DNAH17: variants seen among roughly 807,000 people sequenced by gnomAD.
DNAH17 encodes dynein axonemal heavy chain 17, also known as axonemal beta dynein heavy chain 17.
A neutral mutation model predicts 485.6 loss-of-function variants in DNAH17; 376 were observed. The ratio of observed to expected loss-of-function variants is 0.77; its 90% confidence interval spans 0.71 to 0.84. The LOEUF is 0.84. DNAH17 is among the 40% of genes least tolerant of loss of function. The probability of loss-of-function intolerance (pLI) is 0.00; values close to 1 mark genes in which losing one functional copy is unlikely to be tolerated. For missense variants in DNAH17, 6,370 were observed against 5,839.3 expected (o/e 1.09, Z -2.96); for synonymous variants, 3,031 against 2,405.9 (o/e 1.26, Z -7.60).
chr17:78,531,632 C>T (rs2091241743), intron 20 of DNAH17, among the ~76,000 whole-genome samples: 2 of 152,190 alleles, frequency 1.3e-5, no homozygotes, highest in Admixed American at 1.3e-4. Flanking sequence ...GCCACCACGC[C>T]CGGCCGACAT....
intron 54 of DNAH17, among the ~76,000 whole-genome samples, chr17:78,474,374 G>A (rs2088911421): frequency 6.6e-6 from 1 of 152,264 alleles, no homozygotes. Flanking sequence ...GCACGCAGTT[G>A]CCTGGGAGAG....
chr17:78,575,309 A>G (rs558216437), intron 1 of DNAH17, among the ~76,000 whole-genome samples: 177 of 152,320 alleles, frequency 1.2e-3, no homozygotes, highest in Non-Finnish European at 1.9e-3. Context: ...GAGGCTGCCC[A>G]AAAGTGGTGT....
chr17:78,444,620 T>G lies in DNAH17; in HGVS notation c.11512A>C (p.Met3838Leu). The G allele has an allele frequency of 6.4e-7, 1 of 1,573,776 alleles. No homozygotes were observed. The change falls in exon 71 of 81, where the codon ATG becomes CTG. Residue 3838 changes from methionine to leucine, a missense_variant. Physicochemically the swap from Met to Leu is conservative, Grantham distance 15. Transcript: ENST00000389840. ...CMVRCLRPDR[M>L]TYAIKNFVEE... Reference sequence around the variant, plus strand: ...GACACTCACTTGATAGCGTAGGTCATGCGATCTGGCCGCAGGCAGCGCACC... The same window carrying G: ...GACACTCACTTGATAGCGTAGGTCAGGCGATCTGGCCGCAGGCAGCGCACC...
intron 3 of DNAH17, among the ~76,000 whole-genome samples, 155 bp from the exon 4 acceptor site, chr17:78,571,937 G>A (rs779454768): frequency 2.0e-5 from 3 of 152,182 alleles, no homozygotes; most frequent in African/African-American, 4.8e-5. Flanking sequence ...CCTCGGGGAC[G>A]CTAAAGAAGT....
intron 58 of DNAH17, 147 bp downstream of exon 58, chr17:78,461,397 G>A (rs572838263): frequency 1.2e-5 from 10 of 826,982 alleles, no homozygotes; most frequent in Admixed American, 8.1e-5. Flanking sequence ...CTCCTTCGGG[G>A]GTCCCACTGG....
In DNAH17 at chr17:78,450,300, A is replaced by G. The variant is rs1568067024; in HGVS notation, c.10994T>C (p.Leu3665Pro). The G allele has an allele frequency of 6.2e-7, 1 of 1,614,010 alleles. No individual in the cohort carries two copies. Among genetic ancestry groups the G allele is most frequent in the Non-Finnish European group, 8.5e-7 (1 of 1,179,890 alleles). ...AERASLLYFI[L>P]NDLNKINPVY... Reference sequence around the variant, plus strand: ...GGGGTTGATTTTGTTGAGATCGTTCAGTATGAAGTAGAGCAGAGATGCCCT... The same window carrying G: ...GGGGTTGATTTTGTTGAGATCGTTCGGTATGAAGTAGAGCAGAGATGCCCT... Residue 3665 changes from leucine to proline, a missense_variant, in exon 68 of 81, where the codon CTG becomes CCG. By Grantham distance (98) the Leu-to-Pro change is moderately conservative (BLOSUM62 -3). Transcript: ENST00000389840.
Position 78,444,764 on chromosome 17 carries a change from C to T in DNAH17, c.11368G>A (p.Asp3790Asn). The T allele has an allele frequency of 1.3e-6, 2 of 1,591,524 alleles. No individual in the cohort carries two copies. The highest frequency in any genetic ancestry group is 1.7e-6 in the Non-Finnish European group (2 of 1,171,174). ...TTGGCAGATCCTTCGATGTCACTGT[C>T]CAGATTTTTGAACTCATCCATCTCC... ...LSEMDEFKNL[D>N]SDIEGSAKRW... The change falls in exon 71 of 81, where the codon GAC (aspartate) becomes AAC (asparagine). Residue 3790 changes from aspartate (D) to asparagine (N), a missense_variant. Asp to Asn is a conservative substitution (Grantham distance 23). Transcript: ENST00000389840.
chr17:78,460,237 C>A lies in DNAH17; in HGVS notation c.9360G>T (p.Lys3120Asn). ...CTTTGGCCAGGTCTGTTTCACAGGC[C>A]TTTTGCTTCTCAGTGACGTTCTGGA... ...VINKNVTEKQKACETDLAKAE... is the reference protein window; with the variant it reads ...VINKNVTEKQNACETDLAKAE... Residue 3120 changes from lysine (K) to asparagine (N), a missense_variant, in exon 59 of 81, where the codon AAG becomes AAT. Transcript: ENST00000389840. 1.2e-6 allele frequency: 2 copies of A among 1,603,032 alleles called. No homozygotes were observed. Among genetic ancestry groups the A allele is most frequent in the Non-Finnish European group, 1.7e-6 (2 of 1,174,060 alleles).
chr17:78,462,031 G>T (rs1243025791), intron 57 of DNAH17, among the ~76,000 whole-genome samples: 1 of 152,000 alleles, frequency 6.6e-6, no homozygotes, highest in Non-Finnish European at 1.5e-5. Flanking sequence ...AATTAGCAAG[G>T]CATGGTGGCC....
At chr17:78,502,424 C>T (rs904305938) in intron 33 of DNAH17, 167 bp downstream of exon 33, 21 of 591,086 alleles carry the variant, frequency 3.6e-5, no homozygotes, top group Admixed American at 3.4e-4. Context: ...GGCTGTGGTG[C>T]GTGGCTGTTA....
chr17:78,469,023 G>A lies in DNAH17; in HGVS notation c.8512-140C>T, dbSNP rs185418564. The A allele has an allele frequency of 5.5e-6, 6 of 1,083,410 alleles. No homozygotes were observed. The East Asian group carries it at 1.3e-4, about 24-fold the overall frequency. The allele number at this position is 1,083,410 out of a possible 1,614,324, so 67.1% of individuals were successfully genotyped here. A position where few individuals can be genotyped will look rare whatever the true frequency, so the allele number is the denominator to read the frequency against. On this transcript the variant is annotated intron_variant, in intron 54 of 80. Transcript: ENST00000389840. ...CTGTCGCCCAGGCTGGAGTGCAATG[G>A]CACAATCTCGGCTCACTGCAACCTC...
Position 78,565,074 on chromosome 17 carries a change from C to A in DNAH17, c.1569+1540G>T, listed in dbSNP as rs570301743. Reference sequence around the variant, plus strand: ...TCTTGAAGTTGGTTTAGCTAGAATCCCCCAACCCCTGATGTCCCCTCTAAG... The same window carrying A: ...TCTTGAAGTTGGTTTAGCTAGAATCACCCAACCCCTGATGTCCCCTCTAAG... On this transcript the variant is annotated intron_variant, in intron 11 of 80. Coordinates refer to ENST00000389840, the MANE Select transcript of DNAH17 (RefSeq NM_173628.4). Among the ~76,000 whole-genome samples the A allele has an allele frequency of 1.4e-4, 21 of 152,286 alleles. No individual in the cohort carries two copies. In the South Asian group the frequency reaches 4.4e-3, roughly 32 times the overall value.
At chr17:78,518,567 C>T (rs1025874397) in intron 25 of DNAH17, among the ~76,000 whole-genome samples, 1 of 152,070 alleles carries the variant, frequency 6.6e-6, no homozygotes, top group African/African-American at 2.4e-5. Flanking sequence ...TTTCAGCACC[C>T]CACTCTCAGC....
In DNAH17 at chr17:78,572,643, G is replaced by A. The variant is rs1345659044; in HGVS notation, c.539+58C>T. The stretch of plus-strand genomic sequence containing the variant: ...GGGTGGAGTGGGGTGGGGGGTGGGG[G>A]TCAAGCATGTGCCTCTTCCCCACCC... On this transcript the variant is annotated intron_variant, in intron 3 of 80. Transcript: ENST00000389840. 3.4e-6 allele frequency: 5 copies of A among 1,452,644 alleles called. No homozygotes were observed. The African/African-American group carries it at 4.2e-5, about 12-fold the overall frequency. 90.0% of individuals were successfully genotyped at this position (1,452,644 alleles called of 1,614,324 possible).
At position 78,545,494 on chromosome 17, in the gene DNAH17, T is replaced by C. The variant is rs533340012; in HGVS notation, c.2392-1497A>G. On this transcript the variant is annotated intron_variant, in intron 16 of 80. Coordinates refer to ENST00000389840, the MANE Select transcript of DNAH17 (RefSeq NM_173628.4). ...GGGCAGATGATGATGGCCGCCTTCT[T>C]GTTGTGACCTCACATGGCGGAGGGG... Among the ~76,000 whole-genome samples the C allele has an allele frequency of 2.0e-3, 298 of 152,280 alleles. 2 individuals are homozygous for C. Among genetic ancestry groups the C allele is most frequent in the Middle Eastern group, 6.8e-3 (2 of 294 alleles).
chr17:78,513,387 C>T lies in DNAH17; in HGVS notation c.4113+1387G>A, dbSNP rs1308394450. 2.0e-5 allele frequency among the ~76,000 whole-genome samples: 3 copies of T among 152,214 alleles called. No individual in the cohort carries two copies. The South Asian group carries it at 6.2e-4, about 31-fold the overall frequency. On this transcript the variant is annotated intron_variant, in intron 26 of 80. Coordinates refer to ENST00000389840, the MANE Select transcript of DNAH17 (RefSeq NM_173628.4). ...TTGAAATAGTCCTGCAAAGCTGTCT[C>T]TTGTAGGGGAAATCTGCATTCTGTA...
At chr17:78,428,778 C>T (rs923767631) in intron 76 of DNAH17, 71 bp from the exon 77 acceptor site, 2 of 1,556,636 alleles carry the variant, frequency 1.3e-6, no homozygotes, top group African/African-American at 2.7e-5. Context: ...GTTGGTTAAG[C>T]ATTCCTTGCC....
At position 78,558,164 on chromosome 17, in the gene DNAH17, C is replaced by G. The variant is rs376958134; in HGVS notation, c.2122G>C (p.Glu708Gln). The change falls in exon 14 of 81, where the codon GAA becomes CAA. Residue 708 changes from glutamate to glutamine, a missense_variant. Glu to Gln is a conservative substitution (Grantham distance 29). Coordinates refer to ENST00000389840, the MANE Select transcript of DNAH17 (RefSeq NM_173628.4). ...DSAESLFSEN[E>Q]TFRKFVGNLE... ...TTGCCCACAAACTTCCGGAAAGTTT[C>G]GTTCTCTGAGAACAGACTCTCCGCA... 6 of 1,613,768 alleles carry G rather than the reference C, an allele frequency of 3.7e-6. No individual in the cohort carries two copies. Among genetic ancestry groups the G allele is most frequent in the Non-Finnish European group, 5.1e-6 (6 of 1,179,800 alleles).
chr17:78,555,460 T>C (rs1401824017), intron 14 of DNAH17, among the ~76,000 whole-genome samples: 1 of 133,194 alleles, frequency 7.5e-6, no homozygotes, highest in African/African-American at 2.8e-5. Context: ...GAATGGACCA[T>C]GGACAAAGAT....
Sources: allele counts gnomAD v4.1 joint callset (sites outside exome capture counted in the v4.1 genomes callset), GRCh38; gene constraint gnomAD v4.1.1; transcripts MANE v1.5; gene names NCBI Gene and HGNC (gene_info 2026-07-23, HGNC 2026-07-21).